Variants in MYO7A observed in about 807,000 individuals in gnomAD.
MYO7A encodes unconventional myosin-VIIa.
Under a neutral mutation model 263.8 loss-of-function variants are expected in MYO7A, and 210 were observed. The observed-to-expected ratio is 0.80, with a 90% confidence interval of 0.71 to 0.89. The LOEUF is 0.89. Ranked by LOEUF, MYO7A falls within the 40% of genes least tolerant of loss-of-function variation. MYO7A has a pLI of 0.00. For synonymous variants in MYO7A, 1,239 were observed against 1,197.3 expected (o/e 1.03, Z -0.72); for missense variants, 2,820 against 2,968.3 (o/e 0.95, Z 1.16).
At chr11:77,186,524 CACTT>C (rs1955658502) in intron 27 of MYO7A, among the ~76,000 whole-genome samples, 1 of 152,216 alleles carries the variant, frequency 6.6e-6, no homozygotes, top group Non-Finnish European at 1.5e-5. Context: ...CTTCACCTTG[CACTT>C]TTATATTTTG....
chr11:77,154,123 A>G (rs1952221369), intron 4 of MYO7A, among the ~76,000 whole-genome samples: 1 of 152,186 alleles, frequency 6.6e-6, no homozygotes, highest in African/African-American at 2.4e-5. Flanking sequence ...CAAAAGAGAG[A>G]AAGGAAGGTG....
chr11:77,189,208 C>G, intron 27 of MYO7A, 136 bp from the exon 28 acceptor site: 1 of 1,304,126 alleles, frequency 7.7e-7, no homozygotes, highest in Non-Finnish European at 1.0e-6. Flanking sequence ...CCCAGCCTCA[C>G]TCTGCCTCCT....
At position 77,179,804 on chromosome 11, in the gene MYO7A, G is replaced by T. The variant is rs1955015434; in HGVS notation, c.2437G>T (p.Ala813Ser). The T allele has an allele frequency of 6.5e-7, 1 of 1,547,810 alleles. No homozygotes were observed. The highest frequency in any genetic ancestry group is 8.7e-7 in the Non-Finnish European group (1 of 1,148,746). The change falls in exon 21 of 49, where the codon GCC becomes TCC. Residue 813 changes from alanine to serine, a missense_variant. Transcript: ENST00000409709. Reference sequence around the variant, plus strand: ...GAAGCTGCACCAGCAGTACCGCCTGGCCCGCCAGCGCATCATCCAGTTCCA... The same window carrying T: ...GAAGCTGCACCAGCAGTACCGCCTGTCCCGCCAGCGCATCATCCAGTTCCA... ...SRKLHQQYRL[A>S]RQRIIQFQAR...
intron 14 of MYO7A, among the ~76,000 whole-genome samples, chr11:77,165,297 C>G (rs1555071758): frequency 6.6e-6 from 1 of 152,206 alleles, no homozygotes; most frequent in Non-Finnish European, 1.5e-5. Context: ...ATCTGCAGTC[C>G]TTGGACACCC....
In MYO7A at chr11:77,206,029, A is replaced by G. The variant is rs1034356740; in HGVS notation, c.5637-68A>G. The G allele has an allele frequency of 2.6e-5, 33 of 1,265,894 alleles. No homozygotes were observed. In the African/African-American group the frequency reaches 4.6e-4, roughly 18 times the overall value. The allele number at this position is 1,265,894 out of a possible 1,614,324, so 78.4% of individuals were successfully genotyped here. A position where few individuals can be genotyped will look rare whatever the true frequency, so the allele number is the denominator to read the frequency against. On this transcript the variant is annotated intron_variant, in intron 40 of 48. Coordinates refer to ENST00000409709, the MANE Select transcript of MYO7A (RefSeq NM_000260.4). ...TCAGAACTGGGGTTGTCTGCCTCCA[A>G]GTGTCCCGGTCCCCTGGTCTCCACA...
At chr11:77,154,404 C>G (rs972929990) in intron 4 of MYO7A, among the ~76,000 whole-genome samples, 6 of 152,138 alleles carry the variant, frequency 3.9e-5, no homozygotes, top group Non-Finnish European at 7.4e-5. Context: ...AGGTCCTGAT[C>G]TGAGAATTCA....
chr11:77,156,199 C>A, intron 5 of MYO7A, 108 bp downstream of exon 5: 1 of 1,252,758 alleles, frequency 8.0e-7, no homozygotes, highest in Non-Finnish European at 1.1e-6. Flanking sequence ...GAAATGCCAT[C>A]AAGCTCTTCA....
At chr11:77,154,443 G>A (rs1390417984) in intron 4 of MYO7A, among the ~76,000 whole-genome samples, 5 of 152,190 alleles carry the variant, frequency 3.3e-5, no homozygotes, top group African/African-American at 4.8e-5. Context: ...GGTGTCATTC[G>A]TGGAAAATGC....
chr11:77,158,311 G>A lies in MYO7A; in HGVS notation c.884G>A (p.Ser295Asn), dbSNP rs1952685157. The A allele has an allele frequency of 1.9e-6, 3 of 1,611,682 alleles. No homozygotes were observed. Among genetic ancestry groups the A allele is most frequent in the East Asian group, 4.5e-5 (2 of 44,822 alleles). The change falls in exon 9 of 49, where the codon AGC (serine) becomes AAC (asparagine). Residue 295 changes from serine (S) to asparagine (N), a missense_variant. Physicochemically the swap from Ser to Asn is conservative, Grantham distance 46 (BLOSUM62 1). Coordinates refer to ENST00000409709, the MANE Select transcript of MYO7A (RefSeq NM_000260.4). ...ATAACCTGTGAGGGCCGGGTGGACAGCCAGGAGTACGCCAACATCCGCTCC... is the reference window on the plus strand; with the variant it reads ...ATAACCTGTGAGGGCCGGGTGGACAACCAGGAGTACGCCAACATCCGCTCC... ...NCITCEGRVD[S>N]QEYANIRSAM...
At position 77,163,103 on chromosome 11, in the gene MYO7A, C is replaced by CAT. The variant is rs55700684; in HGVS notation, c.1690+130_1690+131dup. 0.3 allele frequency: 262,334 copies of CAT among 884,074 alleles called. 21,963 individuals carry two copies. Among genetic ancestry groups the CAT allele is most frequent in the Admixed American group, 0.39 (13,124 of 33,712 alleles). The allele number at this position is 884,074 out of a possible 1,614,324, so 54.8% of individuals were successfully genotyped here. On this transcript the variant is annotated intron_variant, in intron 14 of 48. Coordinates refer to ENST00000409709, the MANE Select transcript of MYO7A (RefSeq NM_000260.4). ...AAGATTTTTAAAAATTGTGATTATT[C>CAT]ATATATATATATATATGAACTTGAC...
Position 77,208,134 on chromosome 11 carries a change from G to A in MYO7A, c.5857-296G>A, listed in dbSNP as rs115435267. On this transcript the variant is annotated intron_variant, in intron 42 of 48. Coordinates refer to ENST00000409709, the MANE Select transcript of MYO7A (RefSeq NM_000260.4). ...CAGGAGGAGCTGGACATGGATGCCA[G>A]AGAATGTCCAAGCCAGGGGCTGGGC... is the stretch of plus-strand genomic sequence containing the variant. Among the ~76,000 whole-genome samples the A allele has an allele frequency of 0.015, 2,318 of 152,328 alleles. 56 individuals are homozygous for A. The highest frequency in any genetic ancestry group is 0.052 in the African/African-American group (2,165 of 41,560).
At chr11:77,167,055 T>G (rs1478155164) in intron 15 of MYO7A, among the ~76,000 whole-genome samples, 1 of 152,218 alleles carries the variant, frequency 6.6e-6, no homozygotes, top group African/African-American at 2.4e-5. Flanking sequence ...GGGTGGGGCT[T>G]GGTCCCGAGC....
intron 43 of MYO7A, 84 bp downstream of exon 43, chr11:77,208,601 C>T (rs1057372040): frequency 5.3e-5 from 79 of 1,494,882 alleles, no homozygotes; most frequent in East Asian, 1.9e-4. Context: ...CCCACCTAGG[C>T]GGGCCTGAGT....
chr11:77,190,460 GT>G (rs1955974038), intron 29 of MYO7A, among the ~76,000 whole-genome samples: 3 of 152,158 alleles, frequency 2.0e-5, no homozygotes, highest in Non-Finnish European at 4.4e-5. Context: ...GCCTGTGGCA[GT>G]GCCTGACCTC....
chr11:77,203,201 C>G lies in MYO7A; in HGVS notation c.5310C>G (p.Ala1770=), dbSNP rs1419184671. The change falls in exon 38 of 49, where the codon GCC becomes GCG. Residue 1770 remains alanine, a synonymous_variant. Coordinates refer to ENST00000409709, the MANE Select transcript of MYO7A (RefSeq NM_000260.4). ...GCAGTGAGGAGCTCTCGCAGGAGGC[C>G]TGCCTGGCCTTCATTGATATCCGTG... is the stretch of plus-strand genomic sequence containing the variant. ...LLGSEELSQE[A]CLAFIAVLKY... is the part of the protein sequence containing the mutation. 6.4e-7 allele frequency: 1 copy of G among 1,553,312 alleles called. No homozygotes were observed.
intron 1 of MYO7A, among the ~76,000 whole-genome samples, chr11:77,130,034 A>G (rs1445154224): frequency 2.6e-5 from 4 of 152,108 alleles, no homozygotes; most frequent in South Asian, 2.1e-4. Context: ...ACAGACCCCA[A>G]TGACCCTGCC....
chr11:77,173,679 G>A (rs985325396), intron 16 of MYO7A, among the ~76,000 whole-genome samples: 1 of 152,184 alleles, frequency 6.6e-6, no homozygotes, highest in East Asian at 1.9e-4. Flanking sequence ...ATCTGGGGAG[G>A]GAAGGAAGGC....
chr11:77,150,377 A>G (rs1346509128), intron 4 of MYO7A, among the ~76,000 whole-genome samples: 1 of 152,016 alleles, frequency 6.6e-6, no homozygotes, highest in Non-Finnish European at 1.5e-5. Flanking sequence ...GGAGGAAAAA[A>G]CTTCAGACAC....
At chr11:77,132,087 C>T (rs1950781675) in intron 2 of MYO7A, among the ~76,000 whole-genome samples, 1 of 151,986 alleles carries the variant, frequency 6.6e-6, no homozygotes. Context: ...CTGGTCTGCC[C>T]TCTCCTCCTC....
Sources: gnomAD v4.1 joint callset for allele counts (sites outside exome capture counted in the v4.1 genomes callset) on GRCh38, gnomAD v4.1.1 for gene constraint, MANE v1.5 for transcripts, NCBI Gene and HGNC (gene_info 2026-07-23, HGNC 2026-07-21) for gene names.